SUPT6H: variants seen among roughly 807,000 people sequenced by gnomAD.
SUPT6H encodes the protein SPT6 homolog, histone chaperone and transcription elongation factor, also known as transcription elongation factor SPT6.
Under a neutral mutation model 222.3 loss-of-function variants are expected in SUPT6H, and 11 were observed. That is an observed-to-expected ratio of 0.05 (90% CI 0.03 to 0.08). SUPT6H has a LOEUF of 0.08. SUPT6H is among the 10% of genes least tolerant of loss of function. The pLI, the probability that SUPT6H is intolerant of heterozygous loss-of-function variation, is 1.00. For missense variants in SUPT6H, 1,422 were observed against 2,216.0 expected, an observed-to-expected ratio of 0.64 and a Z score of 7.19; for synonymous variants, 762 against 801.2, an observed-to-expected ratio of 0.95 and a Z score of 0.83.
intron 21 of SUPT6H, 128 bp downstream of exon 21, chr17:28,686,917 C>T: frequency 6.8e-7 from 1 of 1,473,470 alleles, no homozygotes; most frequent in South Asian, 1.4e-5. Flanking sequence ...TGCAGAAGTT[C>T]TCCGTTTTGC....
At chr17:28,698,891 A>G (rs1208605203) in intron 32 of SUPT6H, among the ~76,000 whole-genome samples, 1 of 151,078 alleles carries the variant, frequency 6.6e-6, no homozygotes, top group Non-Finnish European at 1.5e-5. Context: ...GCCAGCAGCC[A>G]GGGCTAAGTG....
chr17:28,666,443 ATC>A (rs2030017106), intron 1 of SUPT6H, among the ~76,000 whole-genome samples: 1 of 151,980 alleles, frequency 6.6e-6, no homozygotes, highest in Admixed American at 6.6e-5. Context: ...GTAACTGTTA[ATC>A]TCTCTTTGTG....
intron 16 of SUPT6H, 34 bp downstream of exon 16, chr17:28,683,456 G>A (rs905810261): frequency 6.8e-6 from 11 of 1,611,956 alleles, no homozygotes; most frequent in South Asian, 1.1e-5. Flanking sequence ...ACTCTCTGGG[G>A]AAGGCCTGAT....
At position 28,683,210 on chromosome 17, in the gene SUPT6H, C is replaced by T. The variant is rs553062401; in HGVS notation, c.1879-58C>T. The T allele has an allele frequency of 7.5e-6, 12 of 1,589,750 alleles. No homozygotes were observed. The South Asian group carries it at 1.0e-4, about 14-fold the overall frequency. ...TCTGAAAGCAGAAAGGCTGTCTTTT[C>T]TCCTGGGGCCTGGCCCAGCCCATCC... On this transcript the variant is annotated intron_variant, in intron 15 of 36. Coordinates refer to ENST00000314616, the MANE Select transcript of SUPT6H (RefSeq NM_003170.5).
At chr17:28,682,181 A>C in intron 13 of SUPT6H, 1 of 490,926 alleles carries the variant, frequency 2.0e-6, no homozygotes, top group Non-Finnish European at 3.7e-6. Flanking sequence ...GCCTCTCCCT[A>C]ATTTCCTGAG....
chr17:28,680,731 A>G (rs1266172366), intron 11 of SUPT6H, among the ~76,000 whole-genome samples: 1 of 152,100 alleles, frequency 6.6e-6, no homozygotes, highest in Non-Finnish European at 1.5e-5. Flanking sequence ...GGCTCACTGC[A>G]AGCTCCACCT....
intron 6 of SUPT6H, among the ~76,000 whole-genome samples, 191 bp from the exon 7 acceptor site, chr17:28,675,966 C>G (rs1474083391): frequency 6.6e-6 from 1 of 152,182 alleles, no homozygotes; most frequent in African/African-American, 2.4e-5. Flanking sequence ...GCTTTTTAAT[C>G]TTCCATATAC....
chr17:28,662,880 A>G (rs1342697198), intron 1 of SUPT6H, among the ~76,000 whole-genome samples: 1 of 152,230 alleles, frequency 6.6e-6, no homozygotes, highest in Non-Finnish European at 1.5e-5. Flanking sequence ...AAGCCCGTCC[A>G]TTCTCTATAG....
In SUPT6H at chr17:28,676,481, G is replaced by A. The variant is rs2030753564; in HGVS notation, c.897+51G>A. On this transcript the variant is annotated intron_variant, in intron 7 of 36. Coordinates refer to ENST00000314616, the MANE Select transcript of SUPT6H (RefSeq NM_003170.5). ...TCTACCAATCCATAATTACCTTGTA[G>A]CCAAGAAATATTCTAGCAAAAGTCT... 6 of 1,607,094 alleles carry A rather than the reference G, an allele frequency of 3.7e-6. No individual in the cohort carries two copies. In the African/African-American group the frequency reaches 6.7e-5, roughly 18 times the overall value.
rs192571022 is a variant in SUPT6H, at chr17:28,663,461, A to G, written c.-32+1119A>G. Among the ~76,000 whole-genome samples, 131 of 152,314 alleles carry G rather than the reference A, an allele frequency of 8.6e-4. No homozygotes were observed. The Middle Eastern group carries it at 0.027, about 32-fold the overall frequency. On this transcript the variant is annotated intron_variant, in intron 1 of 36. Coordinates refer to ENST00000314616, the MANE Select transcript of SUPT6H (RefSeq NM_003170.5). ...GTACCGTCTGGAGAGGCTTAGTCAA[A>G]TTTTACAGTTCTTCCTCTGAAAGCC...
intron 19 of SUPT6H, 133 bp from the exon 20 acceptor site, chr17:28,686,206 C>G: frequency 3.9e-6 from 3 of 775,432 alleles, no homozygotes; most frequent in Non-Finnish European, 6.2e-6. Context: ...GGGAATAGTT[C>G]CTTGGTAGCA....
rs2031577018 is a variant in SUPT6H at position 28,690,216 on chromosome 17, G to T, written c.3477G>T (p.Glu1159Asp). The T allele has an allele frequency of 6.2e-7, 1 of 1,613,776 alleles. No individual in the cohort carries two copies. The highest frequency in any genetic ancestry group is 1.3e-5 in the African/African-American group (1 of 74,882). ...ATATGTTAACCAAAGAAACACCAGA[G>T]ACCTTCTACATTGGTAAATTCTGGG... ...IFNMLTKETP[E>D]TFYIGKLIIC... The change falls in exon 26 of 37, where the codon GAG (glutamate) becomes GAT (aspartate). Residue 1159 changes from glutamate to aspartate, a missense_variant. Transcript: ENST00000314616.
In SUPT6H at chr17:28,690,912, T is replaced by G; in HGVS notation, c.3491-9T>G. 1 of 1,611,814 alleles carries G rather than the reference T, an allele frequency of 6.2e-7. No individual in the cohort carries two copies. The highest frequency in any genetic ancestry group is 8.5e-7 in the Non-Finnish European group (1 of 1,179,122). On this transcript the variant is annotated splice_polypyrimidine_tract_variant and intron_variant, in intron 26 of 36. Transcript: ENST00000314616. ...GAGCCTGCTCCCCATCCTCTTTTCC[T>G]TCTTGCAGGAAAGCTCATCATCTGC...
In SUPT6H at chr17:28,677,711, C is replaced by G. The variant is rs770884847; in HGVS notation, c.898-4C>G. 1.2e-5 allele frequency: 20 copies of G among 1,613,056 alleles called. No homozygotes were observed. The African/African-American group carries it at 1.3e-4, about 11-fold the overall frequency. ...GTCTCACCCTGTTGTCTTATCCACT[C>G]CAGCTCCGCTCCATCCCAGTCAAGG... On this transcript the variant is annotated splice_polypyrimidine_tract_variant and splice_region_variant and intron_variant, in intron 7 of 36. Transcript: ENST00000314616.
In SUPT6H at chr17:28,701,819, C is replaced by A; in HGVS notation, c.*194C>A. On this transcript the variant is annotated 3_prime_UTR_variant, in exon 37 of 37. Transcript: ENST00000314616. The stretch of plus-strand genomic sequence containing the variant: ...GCTCAGTGTATGCTAGGCAACAATT[C>A]TCCCGCTCCAGACCCTCACCGACCA... 1.7e-6 allele frequency: 1 copy of A among 603,418 alleles called. No individual in the cohort carries two copies. The highest frequency in any genetic ancestry group is 2.8e-6 in the Non-Finnish European group (1 of 352,344). 37.4% of individuals were successfully genotyped at this position (603,418 alleles called of 1,614,324 possible). A position where few individuals can be genotyped will look rare whatever the true frequency, so the allele number is the denominator to read the frequency against.
chr17:28,682,765 T>C lies in SUPT6H; in HGVS notation c.1636T>C (p.Phe546Leu). 3 of 1,614,122 alleles carry C rather than the reference T, an allele frequency of 1.9e-6. No homozygotes were observed. The highest frequency in any genetic ancestry group is 2.5e-6 in the Non-Finnish European group (3 of 1,179,996). The change falls in exon 14 of 37, where the codon TTT (phenylalanine) becomes CTT (leucine). Residue 546 changes from phenylalanine (F) to leucine (L), a missense_variant. Physicochemically the swap from Phe to Leu is conservative, Grantham distance 22 (BLOSUM62 0). This residue lies in a region of SUPT6H where 389 missense variants were observed against 544.6 expected (regional missense o/e 0.71). Coordinates refer to ENST00000314616, the MANE Select transcript of SUPT6H (RefSeq NM_003170.5). ...AAAGTTTGGGCTTACTCCCGAGCAGTTTGGGGAGAACCTGCGGGATAGCTA... is the reference window on the plus strand; with the variant it reads ...AAAGTTTGGGCTTACTCCCGAGCAGCTTGGGGAGAACCTGCGGGATAGCTA... ...AKKFGLTPEQ[F>L]GENLRDSYQR...
In SUPT6H at chr17:28,700,964, G is replaced by T; in HGVS notation, c.4830G>T (p.Gln1610His). 1 of 1,613,078 alleles carries T rather than the reference G, an allele frequency of 6.2e-7. No individual in the cohort carries two copies. The highest frequency in any genetic ancestry group is 8.5e-7 in the Non-Finnish European group (1 of 1,179,250). The change falls in exon 36 of 37, where the codon CAG (glutamine) becomes CAT (histidine). Residue 1610 changes from glutamine (Q) to histidine (H), a missense_variant. Gln to His is a conservative substitution (Grantham distance 24). Around this residue, in one of 13 missense-constraint regions of SUPT6H, gnomAD observed 395 missense variants for 580.6 expected, o/e 0.68. Transcript: ENST00000314616. Reference protein sequence around the residue: ...AYHVFPTPAQQPVATPLMTPS... With the variant: ...AYHVFPTPAQHPVATPLMTPS... ...AGGTATTCCCAACGCCAGCCCAGCA[G>T]CCAGTGGCCACACCACTAATGACCC... is the stretch of plus-strand genomic sequence containing the variant.
chr17:28,674,816 G>T, intron 4 of SUPT6H, 154 bp from the exon 5 acceptor site: 2 of 1,047,932 alleles, frequency 1.9e-6, no homozygotes, highest in Non-Finnish European at 2.8e-6. Context: ...TTTCAAGGAT[G>T]GGCTTTGAGG....
chr17:28,702,462 C>T lies in SUPT6H; in HGVS notation c.*837C>T, dbSNP rs1035156765. On this transcript the variant is annotated 3_prime_UTR_variant, in exon 37 of 37. Transcript: ENST00000314616. ...TGCTGCCTTTCAGCTGGCTTTCTTACCTGTAACATGGAGATAGTGATACCT... is the reference window on the plus strand; with the variant it reads ...TGCTGCCTTTCAGCTGGCTTTCTTATCTGTAACATGGAGATAGTGATACCT... The T allele has an allele frequency of 6.6e-6, 1 of 152,430 alleles. No individual in the cohort carries two copies. Among genetic ancestry groups the T allele is most frequent in the African/African-American group, 2.4e-5 (1 of 41,468 alleles). The allele number at this position is 152,430 out of a possible 1,614,324, so 9.4% of individuals were successfully genotyped here.
Sources: gnomAD v4.1 joint callset for allele counts (sites outside exome capture counted in the v4.1 genomes callset) on GRCh38, gnomAD v4.1.1 for gene constraint, gnomAD v4.1.1 regional missense constraint, MANE v1.5 for transcripts, NCBI Gene and HGNC (gene_info 2026-07-23, HGNC 2026-07-21) for gene names.